Variants in METTL8 observed in about 807,000 individuals in gnomAD.
METTL8 encodes the protein tRNA N(3)-cytidine methyltransferase METTL8, mitochondrial.
Under a neutral mutation model 48.7 loss-of-function variants are expected in METTL8, and 32 were observed. That is an observed-to-expected ratio of 0.66 (90% CI 0.50 to 0.88). METTL8 has a LOEUF of 0.88. Among genes scored for constraint, METTL8 ranks in the 40% least tolerant of loss-of-function variants. The pLI, the probability that METTL8 is intolerant of heterozygous loss-of-function variation, is 0.00. For missense variants in METTL8, 464 were observed against 474.4 expected (o/e 0.98, Z 0.20); for synonymous variants, 136 against 157.1 (o/e 0.87, Z 1.01).
intron 1 of METTL8, among the ~76,000 whole-genome samples, chr2:171,407,408 C>T (rs766723854): frequency 3.3e-4 from 50 of 151,806 alleles, no homozygotes; most frequent in Non-Finnish European, 7.2e-4. Flanking sequence ...ATGAGGCCTT[C>T]TAAGTTTTTT....
rs189969073 is a variant in METTL8, at chr2:171,427,153, C to G, written c.-13+6730G>C. Among the ~76,000 whole-genome samples the G allele has an allele frequency of 2.0e-5, 3 of 152,068 alleles. No individual in the cohort carries two copies. In the East Asian group the frequency reaches 5.8e-4, roughly 29 times the overall value. Reference sequence around the variant, plus strand: ...GATTTCACTTGATTCTTTTCTTTTCCTCATCCTTAATATCCACTGTATCAG... The same window carrying G: ...GATTTCACTTGATTCTTTTCTTTTCGTCATCCTTAATATCCACTGTATCAG... On this transcript the variant is annotated intron_variant, in intron 1 of 9. Coordinates refer to ENST00000375258, the MANE Select transcript of METTL8 (RefSeq NM_001321154.2).
At chr2:171,360,293 G>A in intron 3 of METTL8, 129 bp downstream of exon 3, 3 of 695,336 alleles carry the variant, frequency 4.3e-6, no homozygotes, top group Non-Finnish European at 7.1e-6. Context: ...GGAAGAACTG[G>A]GAATTCTACC....
chr2:171,368,806 G>A (rs1315631719), intron 2 of METTL8, among the ~76,000 whole-genome samples: 3 of 152,078 alleles, frequency 2.0e-5, no homozygotes, highest in African/African-American at 7.2e-5. Flanking sequence ...GGAGGCTGAG[G>A]CAGGAGAAAG....
intron 1 of METTL8, among the ~76,000 whole-genome samples, chr2:171,425,805 T>C (rs946782980): frequency 6.6e-6 from 1 of 152,202 alleles, no homozygotes; most frequent in Non-Finnish European, 1.5e-5. Context: ...AACGCATTCT[T>C]TAACGTGTGC....
chr2:171,350,464 T>C lies in METTL8; in HGVS notation c.235+9958A>G, dbSNP rs1683784263. ...TTATAGCAGCATGATTTATAATCCT[T>C]TGGGTATATACCCAGTAATGGGATG... On this transcript the variant is annotated intron_variant, in intron 3 of 9. Transcript: ENST00000375258. 3.3e-5 allele frequency among the ~76,000 whole-genome samples: 5 copies of C among 152,334 alleles called. No individual in the cohort carries two copies. In the South Asian group the frequency reaches 1.0e-3, roughly 32 times the overall value.
At chr2:171,334,440 C>T (rs1004114504) in intron 5 of METTL8, among the ~76,000 whole-genome samples, 5 of 152,172 alleles carry the variant, frequency 3.3e-5, no homozygotes, top group Admixed American at 1.3e-4. Flanking sequence ...ACTACCACCA[C>T]ACCACCAAGC....
chr2:171,411,311 G>A (rs1464161334), intron 1 of METTL8, among the ~76,000 whole-genome samples: 5 of 152,154 alleles, frequency 3.3e-5, no homozygotes, highest in African/African-American at 1.2e-4. Flanking sequence ...AGTTCATCTG[G>A]ACAAATAAAC....
chr2:171,353,115 A>C (rs978282460), intron 3 of METTL8, among the ~76,000 whole-genome samples: 4 of 152,132 alleles, frequency 2.6e-5, no homozygotes, highest in African/African-American at 9.7e-5. Context: ...TAGTGCTATA[A>C]ATTTCCCTCT....
chr2:171,393,134 C>T (rs1688736918), intron 1 of METTL8, among the ~76,000 whole-genome samples: 1 of 151,188 alleles, frequency 6.6e-6, no homozygotes, highest in Non-Finnish European at 1.5e-5. Flanking sequence ...AAAATGCATG[C>T]TTAAGGCCAG....
chr2:171,400,721 T>C (rs1333350776), intron 1 of METTL8, among the ~76,000 whole-genome samples: 3 of 152,056 alleles, frequency 2.0e-5, no homozygotes, highest in Non-Finnish European at 4.4e-5. Context: ...CAGAGCTGAG[T>C]AGTAGAGGCA....
intron 1 of METTL8, among the ~76,000 whole-genome samples, chr2:171,413,410 T>C (rs1410777765): frequency 1.3e-5 from 2 of 152,158 alleles, no homozygotes; most frequent in African/African-American, 4.8e-5. Context: ...ATCTCTTAGG[T>C]GAGACATTGA....
rs1406142653 is a variant in METTL8, at chr2:171,371,845, T to TTAC, written c.144-11333_144-11332insGTA. Among the ~76,000 whole-genome samples the TTAC allele has an allele frequency of 2.6e-3, 371 of 142,340 alleles. 3 individuals are homozygous for TTAC. Among genetic ancestry groups the TTAC allele is most frequent in the African/African-American group, 0.01 (357 of 35,462 alleles). 93.4% of individuals were successfully genotyped at this position (142,340 alleles called of 152,430 possible). The stretch of plus-strand genomic sequence containing the variant: ...ATTATTGTTATTATTACTATTATTA[T>TTAC]TATTATTATTATTATTATTATTATT... On this transcript the variant is annotated intron_variant, in intron 2 of 9. Transcript: ENST00000375258.
At chr2:171,377,870 A>G (rs1687131320) in intron 2 of METTL8, among the ~76,000 whole-genome samples, 1 of 152,222 alleles carries the variant, frequency 6.6e-6, no homozygotes, top group Non-Finnish European at 1.5e-5. Flanking sequence ...CAGCAATCCC[A>G]TTACTGGGTA....
In METTL8 at chr2:171,386,772, T is replaced by C. The variant is rs550333784; in HGVS notation, c.143+5271A>G. Among the ~76,000 whole-genome samples the C allele has an allele frequency of 3.3e-5, 5 of 152,062 alleles. No individual in the cohort carries two copies. In the East Asian group the frequency reaches 7.7e-4, roughly 24 times the overall value. On this transcript the variant is annotated intron_variant, in intron 2 of 9. Transcript: ENST00000375258. The stretch of plus-strand genomic sequence containing the variant: ...AGGACAGGCATTTCCTGCCCAAATG[T>C]TGTATTTTCCCAAGACCGCCCTGGC...
At chr2:171,350,807 GTTGT>G (rs1455791376) in intron 3 of METTL8, among the ~76,000 whole-genome samples, 3 of 152,172 alleles carry the variant, frequency 2.0e-5, no homozygotes, top group Non-Finnish European at 2.9e-5. Context: ...TTTTGATGGG[GTTGT>G]TTGATTTTTT....
intron 1 of METTL8, among the ~76,000 whole-genome samples, chr2:171,415,371 T>C (rs905568186): frequency 4.0e-5 from 6 of 148,558 alleles, no homozygotes; most frequent in Admixed American, 1.3e-4. Flanking sequence ...TTTTTTTTTT[T>C]TGACAGAGTC....
intron 2 of METTL8, among the ~76,000 whole-genome samples, chr2:171,387,069 A>G (rs1018855654): frequency 2.6e-5 from 4 of 152,146 alleles, no homozygotes; most frequent in Non-Finnish European, 5.9e-5. Flanking sequence ...TCATTCTCCA[A>G]GCTCATAAGT....
intron 5 of METTL8, among the ~76,000 whole-genome samples, chr2:171,335,575 C>G (rs1686000272): frequency 6.6e-6 from 1 of 152,010 alleles, no homozygotes; most frequent in Admixed American, 6.6e-5. Context: ...CAATTGTGCA[C>G]CACCACACTC....
At chr2:171,340,498 CAA>C (rs760579218) in intron 3 of METTL8, among the ~76,000 whole-genome samples, 16 of 42,930 alleles carry the variant, frequency 3.7e-4, no homozygotes, top group African/African-American at 8.2e-4. Context: ...TGAGTTGTCT[CAA>C]AAAAAAAAAA....
Sources: gnomAD v4.1 joint callset for allele counts (sites outside exome capture counted in the v4.1 genomes callset) on GRCh38, gnomAD v4.1.1 for gene constraint, MANE v1.5 for transcripts, NCBI Gene and HGNC (gene_info 2026-07-23, HGNC 2026-07-21) for gene names.